Variants in GUCY2D observed in about 807,000 individuals in gnomAD.
GUCY2D encodes the protein retinal guanylyl cyclase 1.
In GUCY2D, 70 loss-of-function variants were observed where a neutral mutation model predicts 101.3. The ratio of observed to expected loss-of-function variants is 0.69; its 90% CI spans 0.57 to 0.84. The LOEUF (loss-of-function observed/expected upper bound fraction) is 0.84, where lower values mean the gene tolerates loss of function less well. Ranked by LOEUF, GUCY2D falls within the 40% of genes least tolerant of loss-of-function variation. The probability of loss-of-function intolerance (pLI) is 0.00; values close to 1 mark genes in which losing one functional copy is unlikely to be tolerated. For missense variants in GUCY2D, 1,460 were observed against 1,542.5 expected, an observed-to-expected ratio of 0.95 and a Z score of 0.90; for synonymous variants, 688 against 670.7, an observed-to-expected ratio of 1.03 and a Z score of -0.40.
In GUCY2D at chr17:8,003,798, C is replaced by G. The variant is rs375760706; in HGVS notation, c.721+30C>G. 1.2e-4 allele frequency: 185 copies of G among 1,602,174 alleles called. 1 individual carries two copies. Among genetic ancestry groups the G allele is most frequent in the Admixed American group, 4.3e-4 (26 of 59,814 alleles). On this transcript the variant is annotated intron_variant, in intron 2 of 19. Coordinates refer to ENST00000254854, the MANE Select transcript of GUCY2D (RefSeq NM_000180.4). ...GCTCCCTTGCAGGGTGCGAGGAGGT[C>G]GGCTGGTCCTGCCGGCAGCCGGACG...
rs765910207 is a variant in GUCY2D, at chr17:8,013,999, C to T, written c.2383C>T (p.Arg795Trp). Residue 795 changes from arginine (R) to tryptophan (W), a missense_variant, in exon 12 of 20, where the codon CGG becomes TGG. Transcript: ENST00000254854. This position sits in a 1 kb window ranked among gnomAD's most constrained non-coding sequence, Gnocchi z 5.0. ...KQCWAEQPEL[R>W]PSMDHTFDLF... Reference sequence around the variant, plus strand: ...GTGCTGGGCAGAGCAGCCGGAACTTCGGCCCTCCATGGACCACACCTTCGA... The same window carrying T: ...GTGCTGGGCAGAGCAGCCGGAACTTTGGCCCTCCATGGACCACACCTTCGA... 1.5e-5 allele frequency: 25 copies of T among 1,613,554 alleles called. No individual in the cohort carries two copies. Among genetic ancestry groups the T allele is most frequent in the East Asian group, 2.2e-5 (1 of 44,896 alleles).
chr17:8,010,215 T>A (rs753167035), intron 8 of GUCY2D, among the ~76,000 whole-genome samples: 12 of 152,098 alleles, frequency 7.9e-5, no homozygotes, highest in Non-Finnish European at 1.5e-4. Flanking sequence ...AGAGACCCAG[T>A]GAATGTTTGT....
rs558294899 is a variant in GUCY2D, at chr17:8,003,279, C to T, written c.232C>T (p.Arg78Cys). 9 of 1,494,264 alleles carry T rather than the reference C, an allele frequency of 6.0e-6. No homozygotes were observed. Among genetic ancestry groups the T allele is most frequent in the Non-Finnish European group, 8.0e-6 (9 of 1,127,958 alleles). 92.6% of individuals were successfully genotyped at this position (1,494,264 alleles called of 1,614,324 possible). ...TCGGGCTCGCCCGGACCTGGCCGCC[C>T]GCCTGGCCGCCGCCCGCCTGAACCG... is the stretch of plus-strand genomic sequence containing the variant. ...FSRARPDLAARLAAARLNRDP... is the reference protein window; with the variant it reads ...FSRARPDLAACLAAARLNRDP... Residue 78 changes from arginine (R) to cysteine (C), a missense_variant, in exon 2 of 20, where the codon CGC becomes TGC. Physicochemically the swap from Arg to Cys is radical, Grantham distance 180. Around this residue, in one of 3 missense-constraint regions of GUCY2D, gnomAD observed 1,196 missense variants for 1,229.6 expected, o/e 0.97. Transcript: ENST00000254854.
At chr17:8,005,182 C>A (rs917962285) in intron 3 of GUCY2D, among the ~76,000 whole-genome samples, 1 of 152,178 alleles carries the variant, frequency 6.6e-6, no homozygotes, top group African/African-American at 2.4e-5. Flanking sequence ...TCCTAAAGAT[C>A]ATTCGAATTC....
At position 8,012,202 on chromosome 17, in the gene GUCY2D, G is replaced by C. The variant is rs943953143; in HGVS notation, c.1808G>C (p.Gly603Ala). The stretch of plus-strand genomic sequence containing the variant: ...TACCTGGGGCTTTTCCTGGCTCGGG[G>C]AGCAGAAGGCCCTGCGGCCCTCTGG... Reference protein sequence around the residue: ...ALYLGLFLARGAEGPAALWEG... With the variant: ...ALYLGLFLARAAEGPAALWEG... Residue 603 changes from glycine (G) to alanine (A), a missense_variant, in exon 9 of 20, where the codon GGA (glycine) becomes GCA (alanine). Gly to Ala is a moderately conservative substitution (Grantham distance 60). Transcript: ENST00000254854. The C allele has an allele frequency of 1.2e-6, 2 of 1,614,138 alleles. No homozygotes were observed. The highest frequency in any genetic ancestry group is 1.7e-6 in the Non-Finnish European group (2 of 1,179,998).
chr17:8,015,142 T>C (rs1264878294), intron 14 of GUCY2D, 91 bp downstream of exon 14: 5 of 1,194,852 alleles, frequency 4.2e-6, no homozygotes, highest in Non-Finnish European at 6.1e-6. Context: ...CTAGCCTACC[T>C]GCCCAATCAA....
At position 8,014,825 on chromosome 17, in the gene GUCY2D, G is replaced by A; in HGVS notation, c.2577-34G>A. ...AGCTGGAGCCCAGCCAGGTAGAGTG[G>A]CCCCCAGGTGACCTCACTGCCTGCC... On this transcript the variant is annotated intron_variant, in intron 13 of 19. Transcript: ENST00000254854. The surrounding 1 kb of genome is among the most constrained non-coding windows in gnomAD (Gnocchi z 4.0). The A allele has an allele frequency of 2.5e-6, 4 of 1,612,856 alleles. No homozygotes were observed. The South Asian group carries it at 4.4e-5, about 18-fold the overall frequency.
In GUCY2D at chr17:8,012,467, C is replaced by T. The variant is rs1975872237; in HGVS notation, c.1974C>T (p.His658=). The change falls in exon 10 of 20, where the codon CAC becomes CAT. Residue 658 remains histidine, a synonymous_variant. Coordinates refer to ENST00000254854, the MANE Select transcript of GUCY2D (RefSeq NM_000180.4). ...LDLIKGIRYL[H]HRGVAHGRLK... ...ATTCCAAGGGAATAAGGTATCTGCACCATCGAGGCGTGGCTCATGGGCGGC... is the reference window on the plus strand; with the variant it reads ...ATTCCAAGGGAATAAGGTATCTGCATCATCGAGGCGTGGCTCATGGGCGGC... The T allele has an allele frequency of 6.2e-7, 1 of 1,614,108 alleles. No individual in the cohort carries two copies. Among genetic ancestry groups the T allele is most frequent in the Non-Finnish European group, 8.5e-7 (1 of 1,180,000 alleles).
chr17:8,006,287 T>C lies in GUCY2D; in HGVS notation c.1027-76T>C, dbSNP rs1975735347. ...GGTGGCAACAGTGGATACCCTGGGC[T>C]TGACAGGCAGTGAAAGAATCTGGTC... On this transcript the variant is annotated intron_variant, in intron 3 of 19. Transcript: ENST00000254854. 2.1e-5 allele frequency: 24 copies of C among 1,133,684 alleles called. No individual in the cohort carries two copies. The South Asian group carries it at 2.8e-4, about 13-fold the overall frequency. 70.2% of individuals were successfully genotyped at this position (1,133,684 alleles called of 1,614,324 possible).
chr17:8,014,021 T>C lies in GUCY2D; in HGVS notation c.2405T>C (p.Phe802Ser), dbSNP rs1413957506. Reference sequence around the variant, plus strand: ...CTTCGGCCCTCCATGGACCACACCTTCGACCTGGTCAGGGGCTGGGAGTGG... The same window carrying C: ...CTTCGGCCCTCCATGGACCACACCTCCGACCTGGTCAGGGGCTGGGAGTGG... ...PELRPSMDHT[F>S]DLFKNINKGR... is the part of the protein sequence containing the mutation. Residue 802 changes from phenylalanine to serine, a missense_variant, in exon 12 of 20, where the codon TTC becomes TCC. By Grantham distance (155) the Phe-to-Ser change is radical. This residue lies in a region of GUCY2D where 1,196 missense variants were observed against 1,229.6 expected (regional missense o/e 0.97). Coordinates refer to ENST00000254854, the MANE Select transcript of GUCY2D (RefSeq NM_000180.4). This position sits in a 1 kb window ranked among gnomAD's most constrained non-coding sequence, Gnocchi z 4.0. 1 of 1,613,028 alleles carries C rather than the reference T, an allele frequency of 6.2e-7. No individual in the cohort carries two copies. Among genetic ancestry groups the C allele is most frequent in the African/African-American group, 1.3e-5 (1 of 75,064 alleles).
chr17:8,008,153 A>G, intron 7 of GUCY2D, 121 bp downstream of exon 7: 1 of 720,380 alleles, frequency 1.4e-6, no homozygotes, highest in Non-Finnish European at 2.5e-6. Context: ...GCTCCAGGAG[A>G]TGGGGGATGG....
At chr17:8,008,224 T>A (rs370306654) in intron 7 of GUCY2D, among the ~76,000 whole-genome samples, 192 bp downstream of exon 7, 7 of 152,298 alleles carry the variant, frequency 4.6e-5, no homozygotes, top group East Asian at 3.9e-4. Context: ...CCTAGGAATC[T>A]TCCCTCCCCA....
intron 19 of GUCY2D, chr17:8,016,794 C>G: frequency 1.9e-6 from 1 of 531,080 alleles, no homozygotes; most frequent in Non-Finnish European, 3.4e-6. Context: ...GTGGCCCCTC[C>G]CCTGGCCCTA....
chr17:8,010,831 A>T (rs1598148417), intron 8 of GUCY2D, among the ~76,000 whole-genome samples: 1 of 151,392 alleles, frequency 6.6e-6, no homozygotes, highest in Non-Finnish European at 1.5e-5. Context: ...AAAAAAGGAA[A>T]GGAAAGAAAA....
chr17:8,003,029 G>C lies in GUCY2D; in HGVS notation c.-9-10G>C. 6.6e-7 allele frequency: 1 copy of C among 1,524,616 alleles called. No homozygotes were observed. Among genetic ancestry groups the C allele is most frequent in the Non-Finnish European group, 8.8e-7 (1 of 1,142,118 alleles). 94.4% of individuals were successfully genotyped at this position (1,524,616 alleles called of 1,614,324 possible). ...CTCAGTCGCTCAGCCTGCTCCGTCTGTGTTCGCAGAAGCCGGCAATGACCG... is the reference window on the plus strand; with the variant it reads ...CTCAGTCGCTCAGCCTGCTCCGTCTCTGTTCGCAGAAGCCGGCAATGACCG... On this transcript the variant is annotated splice_polypyrimidine_tract_variant and intron_variant, in intron 1 of 19. Transcript: ENST00000254854.
intron 7 of GUCY2D, among the ~76,000 whole-genome samples, chr17:8,009,269 G>T (rs546466375): frequency 6.6e-6 from 1 of 152,320 alleles, no homozygotes; most frequent in South Asian, 2.1e-4. Context: ...GCACAGCTGG[G>T]TTGGTGAGGA....
intron 19 of GUCY2D, among the ~76,000 whole-genome samples, chr17:8,018,029 C>T (rs1976009074): frequency 6.6e-6 from 1 of 152,152 alleles, no homozygotes; most frequent in African/African-American, 2.4e-5. Context: ...CCTGGCAAGT[C>T]CCCAGTTGAA....
chr17:8,019,648 T>C (rs1439897686), intron 19 of GUCY2D, among the ~76,000 whole-genome samples: 1 of 152,246 alleles, frequency 6.6e-6, no homozygotes, highest in Non-Finnish European at 1.5e-5. Flanking sequence ...CTCTCCTTTC[T>C]CTGTTCCTGC....
intron 3 of GUCY2D, 131 bp downstream of exon 3, chr17:8,004,287 G>A (rs1397309208): frequency 1.6e-5 from 14 of 851,786 alleles, no homozygotes; most frequent in Non-Finnish European, 2.5e-5. Context: ...CCTGGGTAAT[G>A]TAGAGGCTCT....
Sources: gnomAD v4.1 joint callset for allele counts (sites outside exome capture counted in the v4.1 genomes callset) on GRCh38, gnomAD v4.1.1 for gene constraint, gnomAD v4.1.1 regional missense constraint, Gnocchi (gnomAD v3.1) non-coding constraint, MANE v1.5 for transcripts, NCBI Gene and HGNC (gene_info 2026-07-23, HGNC 2026-07-21) for gene names.